MCTP2: variants seen among roughly 807,000 people sequenced by gnomAD.
MCTP2 encodes multiple C2 and transmembrane domain-containing protein 2.
In MCTP2, 132 loss-of-function variants were observed where a neutral mutation model predicts 111.6. That is an observed-to-expected ratio of 1.18 (90% CI 1.03 to 1.37). The LOEUF is 1.37. MCTP2 is among the 40% of genes most tolerant of loss of function. The pLI, the probability that MCTP2 is intolerant of heterozygous loss-of-function variation, is 0.00. For synonymous variants in MCTP2, 395 were observed against 387.7 expected (o/e 1.02, Z -0.22); for missense variants, 1,183 against 1,067.9 (o/e 1.11, Z -1.50).
intron 8 of MCTP2, among the ~76,000 whole-genome samples, chr15:94,349,941 G>C (rs1006636301): frequency 1.3e-5 from 2 of 152,096 alleles, no homozygotes; most frequent in African/African-American, 4.8e-5. Context: ...ATTTATTGTA[G>C]GACTCTAAAC....
At position 94,435,629 on chromosome 15, in the gene MCTP2, CT is replaced by C. The variant is rs202170550; in HGVS notation, c.2086-4527del. Reference sequence around the variant, plus strand: ...CTAAAAAAGTTGTACTTTTTTTATTCTTTTTTTTTTTTTTTTTTTTGAGACG... The same window carrying C: ...CTAAAAAAGTTGTACTTTTTTTATTCTTTTTTTTTTTTTTTTTTTGAGACG... On this transcript the variant is annotated intron_variant, in intron 17 of 22. Coordinates refer to ENST00000357742, the MANE Select transcript of MCTP2 (RefSeq NM_001385001.1). 9.8e-4 allele frequency among the ~76,000 whole-genome samples: 116 copies of C among 117,928 alleles called. 1 individual carries two copies. Among genetic ancestry groups the C allele is most frequent in the South Asian group, 1.5e-3 (5 of 3,430 alleles). 77.4% of individuals were successfully genotyped at this position (117,928 alleles called of 152,430 possible). A position where few individuals can be genotyped will look rare whatever the true frequency, so the allele number is the denominator to read the frequency against.
chr15:94,447,738 C>T (rs1347578702), intron 19 of MCTP2, among the ~76,000 whole-genome samples: 1 of 152,140 alleles, frequency 6.6e-6, no homozygotes, highest in African/African-American at 2.4e-5. Flanking sequence ...ATTTTTTAAA[C>T]TATGACATAA....
intron 4 of MCTP2, among the ~76,000 whole-genome samples, chr15:94,333,405 T>C (rs1257535766): frequency 6.6e-6 from 1 of 152,034 alleles, no homozygotes; most frequent in Admixed American, 6.5e-5. Context: ...TTTTCTTTTT[T>C]AAAAACTTTT....
At chr15:94,310,455 A>T (rs1315827932) in intron 2 of MCTP2, among the ~76,000 whole-genome samples, 1 of 152,148 alleles carries the variant, frequency 6.6e-6, no homozygotes, top group East Asian at 1.9e-4. Context: ...CACATGGAAA[A>T]TGTCAATTTT....
At chr15:94,428,239 C>T (rs2082987705) in intron 17 of MCTP2, among the ~76,000 whole-genome samples, 2 of 152,260 alleles carry the variant, frequency 1.3e-5, no homozygotes, top group South Asian at 2.1e-4. Flanking sequence ...AATGTCTCTG[C>T]TTCACTCTCC....
At chr15:94,268,188 T>C (rs1170202592) in intron 1 of MCTP2, among the ~76,000 whole-genome samples, 2 of 144,786 alleles carry the variant, frequency 1.4e-5, no homozygotes, top group African/African-American at 5.1e-5. Flanking sequence ...TTCTTTCTTT[T>C]TTTTTTTTTT....
intron 17 of MCTP2, among the ~76,000 whole-genome samples, chr15:94,426,731 C>G (rs780198287): frequency 2.0e-5 from 3 of 151,840 alleles, no homozygotes; most frequent in African/African-American, 4.8e-5. Flanking sequence ...ATTATTTTTA[C>G]TAGAACATTT....
intron 1 of MCTP2, among the ~76,000 whole-genome samples, chr15:94,274,574 G>A (rs1388394032): frequency 6.6e-6 from 1 of 151,852 alleles, no homozygotes; most frequent in Non-Finnish European, 1.5e-5. Flanking sequence ...GAAAAGCATA[G>A]GATATTATGA....
chr15:94,388,762 C>G (rs909932853), intron 14 of MCTP2, among the ~76,000 whole-genome samples: 1 of 152,040 alleles, frequency 6.6e-6, no homozygotes, highest in African/African-American at 2.4e-5. Context: ...ATTATTATGC[C>G]CATTTACAAA....
At chr15:94,244,178 G>A (rs28972660) in intron 1 of MCTP2, among the ~76,000 whole-genome samples, 62,699 of 136,656 alleles carry the variant, frequency 0.46, 14,696 homozygotes, top group African/African-American at 0.48. Flanking sequence ...ATACACATAC[G>A]TATGTGTATA....
chr15:94,302,333 C>G (rs2075655850), intron 2 of MCTP2, among the ~76,000 whole-genome samples: 1 of 152,184 alleles, frequency 6.6e-6, no homozygotes, highest in Non-Finnish European at 1.5e-5. Flanking sequence ...TGCCTGAATT[C>G]TGCAGTCACC....
At chr15:94,387,201 C>A (rs1056286678) in intron 14 of MCTP2, among the ~76,000 whole-genome samples, 2 of 151,634 alleles carry the variant, frequency 1.3e-5, no homozygotes, top group East Asian at 1.9e-4. Flanking sequence ...TAAGAAGTTA[C>A]CTCCAGCTTA....
At chr15:94,454,882 G>C (rs541382243) in intron 19 of MCTP2, among the ~76,000 whole-genome samples, 1 of 152,060 alleles carries the variant, frequency 6.6e-6, no homozygotes, top group Admixed American at 6.5e-5. Flanking sequence ...GTACAGTGCC[G>C]TGATCTTGCC....
intron 1 of MCTP2, among the ~76,000 whole-genome samples, chr15:94,235,254 C>CAAA (rs11296869): frequency 7.1e-6 from 1 of 140,580 alleles, no homozygotes; most frequent in Non-Finnish European, 1.6e-5. Flanking sequence ...AACTCCGTCT[C>CAAA]AAAAAAAAAA....
chr15:94,437,409 T>C (rs866167404), intron 17 of MCTP2, among the ~76,000 whole-genome samples: 3 of 151,974 alleles, frequency 2.0e-5, no homozygotes, highest in Admixed American at 6.6e-5. Context: ...AACCTTAAAA[T>C]TGTTCCGTTG....
At chr15:94,453,928 A>C (rs1288075953) in intron 19 of MCTP2, among the ~76,000 whole-genome samples, 2 of 152,190 alleles carry the variant, frequency 1.3e-5, no homozygotes, top group Admixed American at 6.5e-5. Context: ...ATGTTGATAT[A>C]TCTCTCTGTG....
intron 19 of MCTP2, among the ~76,000 whole-genome samples, chr15:94,455,461 C>CG (rs1251128745): frequency 6.6e-6 from 1 of 150,910 alleles, no homozygotes; most frequent in African/African-American, 2.4e-5. Context: ...TTTTTTTAGA[C>CG]GGAGTCTCGC....
At chr15:94,297,289 C>T (rs985923247) in intron 1 of MCTP2, among the ~76,000 whole-genome samples, 4 of 152,198 alleles carry the variant, frequency 2.6e-5, no homozygotes, top group Non-Finnish European at 4.4e-5. Context: ...ATTTACCCTA[C>T]TCTGTAATTA....
At chr15:94,373,642 A>C (rs992614444) in intron 12 of MCTP2, among the ~76,000 whole-genome samples, 3 of 152,212 alleles carry the variant, frequency 2.0e-5, no homozygotes, top group African/African-American at 7.2e-5. Flanking sequence ...ACTTTATTCA[A>C]AGAATCTTAA....
Sources: allele counts gnomAD v4.1 joint callset (sites outside exome capture counted in the v4.1 genomes callset), GRCh38; gene constraint gnomAD v4.1.1; transcripts MANE v1.5; gene names NCBI Gene and HGNC (gene_info 2026-07-23, HGNC 2026-07-21).